CNTN5: variants seen among roughly 807,000 people sequenced by gnomAD.
CNTN5 encodes the protein contactin-5.
A neutral mutation model predicts 129.1 loss-of-function variants in CNTN5; 77 were observed. That is an observed-to-expected ratio of 0.60 (90% confidence interval 0.50 to 0.72). CNTN5 has a LOEUF of 0.72. Ranked by LOEUF, CNTN5 falls within the 30% of genes least tolerant of loss-of-function variation. The probability of loss-of-function intolerance (pLI) is 0.00; values close to 1 mark genes in which losing one functional copy is unlikely to be tolerated. For missense variants in CNTN5, 1,478 were observed against 1,328.8 expected, an observed-to-expected ratio of 1.11 and a Z score of -1.75; for synonymous variants, 509 against 465.6, an observed-to-expected ratio of 1.09 and a Z score of -1.20.
At chr11:100,233,005 T>C (rs1402790602) in intron 16 of CNTN5, among the ~76,000 whole-genome samples, 1 of 152,156 alleles carries the variant, frequency 6.6e-6, no homozygotes, top group Non-Finnish European at 1.5e-5. Context: ...AAGGAAGTCA[T>C]AGAGAGGTTT....
intron 13 of CNTN5, among the ~76,000 whole-genome samples, chr11:100,159,578 C>G (rs1466512433): frequency 6.6e-6 from 1 of 151,866 alleles, no homozygotes; most frequent in Non-Finnish European, 1.5e-5. Context: ...TGTGTATGTT[C>G]TAATCACACC....
intron 3 of CNTN5, among the ~76,000 whole-genome samples, chr11:99,668,362 A>G (rs1283374185): frequency 6.6e-6 from 1 of 152,052 alleles, no homozygotes; most frequent in Non-Finnish European, 1.5e-5. Flanking sequence ...GCAAAGAGGG[A>G]CTCAGTGGAT....
intron 2 of CNTN5, among the ~76,000 whole-genome samples, chr11:99,398,089 C>G (rs1193693034): frequency 6.6e-6 from 1 of 151,884 alleles, no homozygotes; most frequent in Admixed American, 6.6e-5. Context: ...CTGGCTCCGA[C>G]TGTCAGCCAT....
At chr11:99,161,436 A>G (rs1395718605) in intron 1 of CNTN5, among the ~76,000 whole-genome samples, 2 of 152,028 alleles carry the variant, frequency 1.3e-5, no homozygotes, top group Non-Finnish European at 2.9e-5. Context: ...GTTCTGGCCA[A>G]GGAGATAAAA....
chr11:99,704,353 CTTTTAATTT>C (rs1490281714), intron 3 of CNTN5, among the ~76,000 whole-genome samples: 5 of 150,868 alleles, frequency 3.3e-5, no homozygotes, highest in Non-Finnish European at 7.4e-5. Context: ...GCCATGTTGA[CTTTTAATTT>C]TTTTCTTTTA....
At chr11:99,502,137 A>G (rs779864374) in intron 2 of CNTN5, among the ~76,000 whole-genome samples, 1 of 152,182 alleles carries the variant, frequency 6.6e-6, no homozygotes, top group Non-Finnish European at 1.5e-5. Context: ...ATTCAATTGT[A>G]TTATGTTGTC....
chr11:99,445,305 T>C (rs1298193038), intron 2 of CNTN5, among the ~76,000 whole-genome samples: 1 of 151,914 alleles, frequency 6.6e-6, no homozygotes, highest in East Asian at 1.9e-4. Context: ...GTTAGTCACA[T>C]TGGTGGCAAT....
chr11:99,913,301 A>G (rs10894157), intron 6 of CNTN5, among the ~76,000 whole-genome samples: 31,715 of 151,974 alleles, frequency 0.21, 3,489 homozygotes, highest in African/African-American at 0.25. Flanking sequence ...CCTTAGATCA[A>G]CCATCATCTT....
At chr11:99,346,080 C>T (rs538768099) in intron 2 of CNTN5, among the ~76,000 whole-genome samples, 2 of 152,062 alleles carry the variant, frequency 1.3e-5, no homozygotes, top group East Asian at 1.9e-4. Context: ...TGTCCATAGG[C>T]GTAAATTCCT....
At chr11:99,772,603 A>T (rs1249146780) in intron 3 of CNTN5, among the ~76,000 whole-genome samples, 6 of 152,074 alleles carry the variant, frequency 3.9e-5, no homozygotes, top group African/African-American at 1.4e-4. Flanking sequence ...GACAACTTTG[A>T]TTCTAACCAA....
intron 9 of CNTN5, among the ~76,000 whole-genome samples, chr11:100,039,726 C>T (rs897529152): frequency 1.3e-5 from 2 of 152,164 alleles, no homozygotes; most frequent in African/African-American, 4.8e-5. Flanking sequence ...ATTTTGTCTT[C>T]CATCACTGAT....
intron 2 of CNTN5, among the ~76,000 whole-genome samples, chr11:99,329,953 A>T (rs1294705976): frequency 7.8e-6 from 1 of 128,202 alleles, no homozygotes; most frequent in Non-Finnish European, 1.7e-5. Context: ...ACACACACAC[A>T]CACAATCCCT....
At chr11:99,959,565 T>C (rs1011110076) in intron 8 of CNTN5, among the ~76,000 whole-genome samples, 6 of 152,220 alleles carry the variant, frequency 3.9e-5, no homozygotes, top group African/African-American at 7.2e-5. Context: ...TTGCTTCTTA[T>C]ATAACAGAAT....
rs117981094 is a variant in CNTN5, at chr11:99,130,190, C to A, written c.-210+108920C>A. Among the ~76,000 whole-genome samples, 1,418 of 152,176 alleles carry A rather than the reference C, an allele frequency of 9.3e-3. 18 individuals carry two copies. Among genetic ancestry groups the A allele is most frequent in the East Asian group, 0.066 (342 of 5,184 alleles). Reference sequence around the variant, plus strand: ...CGGCAAGCTGGATAAAAAGGCGAGACCCATCAGCATGTTGTATTCAAGAGA... The same window carrying A: ...CGGCAAGCTGGATAAAAAGGCGAGAACCATCAGCATGTTGTATTCAAGAGA... On this transcript the variant is annotated intron_variant, in intron 1 of 24. Coordinates refer to ENST00000524871, the MANE Select transcript of CNTN5 (RefSeq NM_014361.4).
chr11:99,469,563 TC>T (rs1945091198), intron 2 of CNTN5, among the ~76,000 whole-genome samples: 2 of 152,098 alleles, frequency 1.3e-5, no homozygotes, highest in African/African-American at 4.8e-5. Flanking sequence ...ATTTTCCCAT[TC>T]CCCACAAAGT....
At chr11:99,950,500 A>T (rs1260731957) in intron 7 of CNTN5, among the ~76,000 whole-genome samples, 1 of 152,176 alleles carries the variant, frequency 6.6e-6, no homozygotes, top group Non-Finnish European at 1.5e-5. Context: ...AAATAAAGTA[A>T]AAAATCTTGA....
At chr11:99,918,880 C>T (rs577606480) in intron 7 of CNTN5, among the ~76,000 whole-genome samples, 2 of 152,214 alleles carry the variant, frequency 1.3e-5, no homozygotes, top group East Asian at 3.9e-4. Flanking sequence ...ATTTGCTACC[C>T]ACTCTGTAAA....
At chr11:100,297,549 T>C in intron 18 of CNTN5, 76 bp from the exon 19 acceptor site, 1 of 1,087,166 alleles carries the variant, frequency 9.2e-7, no homozygotes, top group South Asian at 1.3e-5. Flanking sequence ...AACAAACTTC[T>C]GACTTATCTC....
At chr11:99,890,305 C>T (rs907032416) in intron 6 of CNTN5, among the ~76,000 whole-genome samples, 1 of 151,930 alleles carries the variant, frequency 6.6e-6, no homozygotes. Flanking sequence ...AATTATAACA[C>T]AAAATATAAA....
Sources: gnomAD v4.1 joint callset for allele counts (sites outside exome capture counted in the v4.1 genomes callset) on GRCh38, gnomAD v4.1.1 for gene constraint, MANE v1.5 for transcripts, NCBI Gene and HGNC (gene_info 2026-07-23, HGNC 2026-07-21) for gene names.